The following LIMCH1 variants were observed in gnomAD, a reference collection of about 807,000 sequenced individuals.
LIMCH1 encodes the protein LIM and calponin homology domains 1.
Under a neutral mutation model 176.5 loss-of-function variants are expected in LIMCH1, and 113 were observed. The ratio of observed to expected loss-of-function variants is 0.64; its 90% CI spans 0.55 to 0.75. The LOEUF (loss-of-function observed/expected upper bound fraction) is 0.75. Ranked by LOEUF, LIMCH1 falls within the 30% of genes least tolerant of loss-of-function variation. The pLI, the probability that LIMCH1 is intolerant of heterozygous loss-of-function variation, is 0.00. For missense variants in LIMCH1, 1,674 were observed against 1,814.9 expected (o/e 0.92, Z 1.41); for synonymous variants, 619 against 645.9 (o/e 0.96, Z 0.63).
At chr4:41,587,496 A>G (rs1450661502) in intron 1 of LIMCH1, among the ~76,000 whole-genome samples, 1 of 152,092 alleles carries the variant, frequency 6.6e-6, no homozygotes, top group Admixed American at 6.6e-5. Flanking sequence ...TGTGGAAGAA[A>G]CTCATGAACA....
chr4:41,494,337 A>G (rs1025236922), intron 1 of LIMCH1, among the ~76,000 whole-genome samples: 62 of 149,786 alleles, frequency 4.1e-4, no homozygotes, highest in African/African-American at 1.5e-3. Context: ...ATATATACAC[A>G]TACATATATA....
At chr4:41,468,792 C>T (rs564177569) in intron 1 of LIMCH1, among the ~76,000 whole-genome samples, 1 of 152,226 alleles carries the variant, frequency 6.6e-6, no homozygotes, top group East Asian at 1.9e-4. Context: ...CACCTAGTGT[C>T]TCTTTCCCAG....
chr4:41,594,609 C>T (rs1361639490), intron 1 of LIMCH1, among the ~76,000 whole-genome samples: 1 of 152,206 alleles, frequency 6.6e-6, no homozygotes, highest in Non-Finnish European at 1.5e-5. Context: ...TTCCTTCTGG[C>T]TTTTCTTCTG....
chr4:41,578,411 T>C (rs2084857521), intron 1 of LIMCH1, among the ~76,000 whole-genome samples: 1 of 152,146 alleles, frequency 6.6e-6, no homozygotes, highest in Non-Finnish European at 1.5e-5. Flanking sequence ...AAATTACAAT[T>C]CCAGATGAGA....
intron 1 of LIMCH1, among the ~76,000 whole-genome samples, chr4:41,394,255 ACACTTT>A (rs1385697214): frequency 3.9e-5 from 6 of 152,140 alleles, no homozygotes; most frequent in African/African-American, 1.4e-4. Flanking sequence ...TAAGGAACGA[ACACTTT>A]CCATAGGACC....
rs530921502 is a variant in LIMCH1 at position 41,633,805 on chromosome 4, A to G, written c.2087A>G (p.Gln696Arg). The change falls in exon 13 of 32, where the codon CAG becomes CGG. Residue 696 changes from glutamine (Q) to arginine (R), a missense_variant. Coordinates refer to ENST00000503057, the MANE Select transcript of LIMCH1 (RefSeq NM_001330672.2). ...ESSKGLPMKD[Q>R]RYGPRTPVSD... ...TCTAAAGGTCTACCCATGAAAGATC[A>G]GAGGTCAGAAAGTTATTCTGTGCCC... The G allele has an allele frequency of 3.1e-4, 483 of 1,535,694 alleles. 5 individuals carry two copies. The South Asian group carries it at 4.9e-3, about 16-fold the overall frequency.
chr4:41,616,141 A>T (rs948994249), intron 5 of LIMCH1, among the ~76,000 whole-genome samples: 4 of 152,204 alleles, frequency 2.6e-5, no homozygotes, highest in African/African-American at 9.6e-5. Flanking sequence ...GGTTAAATGA[A>T]CAGTCTAATG....
chr4:41,534,816 A>T (rs1239236400), upstream of LIMCH1, among the ~76,000 whole-genome samples: 1 of 152,240 alleles, frequency 6.6e-6, no homozygotes, highest in South Asian at 2.1e-4. Flanking sequence ...GAGTGAAAAA[A>T]GGAGTTTGAG....
At chr4:41,556,222 C>T (rs2081244914) in intron 1 of LIMCH1, among the ~76,000 whole-genome samples, 1 of 151,878 alleles carries the variant, frequency 6.6e-6, no homozygotes, top group Non-Finnish European at 1.5e-5. Flanking sequence ...TGGCAAAACC[C>T]TGTCTCTACT....
At chr4:41,663,088 C>T in intron 20 of LIMCH1, 104 bp downstream of exon 20, 1 of 1,045,810 alleles carries the variant, frequency 9.6e-7, no homozygotes, top group Admixed American at 2.7e-5. Flanking sequence ...AGATTTATTT[C>T]TCTCCTCATC....
chr4:41,618,960 T>G (rs2092353147), intron 5 of LIMCH1, among the ~76,000 whole-genome samples: 1 of 152,128 alleles, frequency 6.6e-6, no homozygotes, highest in Non-Finnish European at 1.5e-5. Flanking sequence ...ATGTCTGTAG[T>G]TTTTAGTTTT....
intron 1 of LIMCH1, among the ~76,000 whole-genome samples, chr4:41,368,662 A>G (rs1285873249): frequency 2.0e-5 from 3 of 152,166 alleles, no homozygotes; most frequent in Non-Finnish European, 4.4e-5. Flanking sequence ...GAAACAAGGT[A>G]GGGTAGAAAC....
chr4:41,491,885 G>A (rs2071109529), intron 1 of LIMCH1, among the ~76,000 whole-genome samples: 1 of 151,246 alleles, frequency 6.6e-6, no homozygotes, highest in African/African-American at 2.4e-5. Context: ...TCCCAGATGG[G>A]GCAGCCGGGC....
chr4:41,561,945 C>T (rs1246867553), intron 1 of LIMCH1, among the ~76,000 whole-genome samples: 1 of 152,204 alleles, frequency 6.6e-6, no homozygotes, highest in Non-Finnish European at 1.5e-5. Context: ...AGCCTTCTCT[C>T]TAGAGAGAAT....
intron 5 of LIMCH1, among the ~76,000 whole-genome samples, chr4:41,617,355 AC>A (rs1420696618): frequency 6.6e-6 from 1 of 152,178 alleles, no homozygotes; most frequent in Non-Finnish European, 1.5e-5. Flanking sequence ...ACTGTCACTA[AC>A]CAGCCCTGCA....
At chr4:41,484,354 T>C (rs1427313764) in intron 1 of LIMCH1, among the ~76,000 whole-genome samples, 3 of 152,244 alleles carry the variant, frequency 2.0e-5, no homozygotes, top group Non-Finnish European at 2.9e-5. Flanking sequence ...AGGAATTTGG[T>C]AAATGATCGA....
chr4:41,564,159 G>A lies in LIMCH1; in HGVS notation c.-241+25809G>A, dbSNP rs569466072. On this transcript the variant is annotated intron_variant, in intron 1 of 31. Coordinates refer to ENST00000503057, the MANE Select transcript of LIMCH1 (RefSeq NM_001330672.2). ...ATTTCAATTACTTCTCATAACAAGT[G>A]TAAGAAGTATAGATAATATGATTGT... Among the ~76,000 whole-genome samples the A allele has an allele frequency of 2.0e-4, 30 of 152,312 alleles. No homozygotes were observed. The South Asian group carries it at 6.0e-3, about 30-fold the overall frequency.
At chr4:41,583,602 A>G (rs1343951818) in intron 1 of LIMCH1, among the ~76,000 whole-genome samples, 3 of 152,152 alleles carry the variant, frequency 2.0e-5, no homozygotes, top group African/African-American at 4.8e-5. Context: ...CCACTTGTGC[A>G]TGATTACAAC....
intron 1 of LIMCH1, among the ~76,000 whole-genome samples, chr4:41,394,243 G>A (rs1308253272): frequency 3.3e-5 from 5 of 152,212 alleles, no homozygotes; most frequent in South Asian, 2.1e-4. Context: ...GCTGTGGAAC[G>A]TTAAGGAACG....
Sources: allele counts gnomAD v4.1 joint callset (sites outside exome capture counted in the v4.1 genomes callset), GRCh38; gene constraint gnomAD v4.1.1; transcripts MANE v1.5; gene names NCBI Gene and HGNC (gene_info 2026-07-23, HGNC 2026-07-21).